Variants in NTRK3 observed in about 807,000 individuals in gnomAD.
The protein encoded by NTRK3 is NT-3 growth factor receptor.
In NTRK3, 24 loss-of-function variants were observed where a neutral mutation model predicts 91.7. The ratio of observed to expected loss-of-function variants is 0.26; its 90% CI spans 0.19 to 0.37. NTRK3 has a LOEUF of 0.37. Ranked by LOEUF, NTRK3 falls within the 10% of genes least tolerant of loss-of-function variation. NTRK3 has a pLI of 1.00. For synonymous variants in NTRK3, 483 were observed against 404.0 expected (o/e 1.20, Z -2.34); for missense variants, 880 against 1,068.9 (o/e 0.82, Z 2.46).
At chr15:87,911,356 A>G (rs1209662227) in intron 17 of NTRK3, among the ~76,000 whole-genome samples, 1 of 152,246 alleles carries the variant, frequency 6.6e-6, no homozygotes, top group Non-Finnish European at 1.5e-5. Context: ...TCTGTTGTAG[A>G]GTTGGCTTTT....
intron 14 of NTRK3, among the ~76,000 whole-genome samples, chr15:88,000,361 A>G (rs1214121123): frequency 6.6e-6 from 1 of 152,220 alleles, no homozygotes. Flanking sequence ...CTCTTCCAAT[A>G]GGGCAGTGTA....
At chr15:88,072,794 G>C in intron 13 of NTRK3, 1 of 233,198 alleles carries the variant, frequency 4.3e-6, no homozygotes, top group Admixed American at 5.6e-5. Flanking sequence ...GAGCAAGAGA[G>C]GGAAAGCGGG....
rs1055426235 is a variant in NTRK3 at position 88,042,459 on chromosome 15, G to C, written c.1397-9414C>G. On this transcript the variant is annotated intron_variant, in intron 13 of 18. Transcript: ENST00000394480. ...CTTCCAGACAGACTCTGCCCTCTGT[G>C]GTCTCCGGGGCACATGGGGTCCTGC... Among the ~76,000 whole-genome samples, 3 of 152,104 alleles carry C rather than the reference G, an allele frequency of 2.0e-5. No individual in the cohort carries two copies. The South Asian group carries it at 6.2e-4, about 32-fold the overall frequency.
At chr15:87,971,880 C>G (rs1312605179) in intron 14 of NTRK3, among the ~76,000 whole-genome samples, 7 of 152,308 alleles carry the variant, frequency 4.6e-5, no homozygotes, top group Middle Eastern at 6.8e-3. Flanking sequence ...GATTTCATGA[C>G]TTTTGACCAA....
exon 3 of NTRK3, chr15:88,256,065 A>G (rs754518518): frequency 6.2e-7 from 1 of 1,613,374 alleles, no homozygotes. Context: ...AGGGCAAGCC[A>G]GCACGGAGCC....
chr15:88,208,563 T>C (rs947715683), intron 3 of NTRK3, among the ~76,000 whole-genome samples: 12 of 152,102 alleles, frequency 7.9e-5, no homozygotes, highest in African/African-American at 2.9e-4. Flanking sequence ...GCTCCCAGGA[T>C]GGCTGAGGCT....
rs543219509 is a variant in NTRK3 at position 88,031,992 on chromosome 15, A to G, written c.1585+865T>C. 2.6e-5 allele frequency among the ~76,000 whole-genome samples: 4 copies of G among 152,222 alleles called. No individual in the cohort carries two copies. The South Asian group carries it at 8.3e-4, about 32-fold the overall frequency. ...AGGTGAGGCCTCAACCTAGCCGATC[A>G]CTTCTGTCCTTCCAGCTCTCAGGCA... On this transcript the variant is annotated intron_variant, in intron 14 of 18. Coordinates refer to ENST00000394480, the Ensembl canonical transcript of NTRK3.
chr15:87,962,570 C>G (rs1438369318), intron 14 of NTRK3, among the ~76,000 whole-genome samples: 1 of 152,186 alleles, frequency 6.6e-6, no homozygotes, highest in African/African-American at 2.4e-5. Context: ...TTTCCTGTTG[C>G]TATTTCCTTG....
At chr15:88,163,850 T>G (rs2044689055) in intron 5 of NTRK3, among the ~76,000 whole-genome samples, 1 of 152,206 alleles carries the variant, frequency 6.6e-6, no homozygotes, top group South Asian at 2.1e-4. Context: ...TTCTCCAAAG[T>G]GTCCCACTTT....
intron 13 of NTRK3, among the ~76,000 whole-genome samples, chr15:88,046,866 T>C (rs1389818763): frequency 6.6e-6 from 1 of 152,184 alleles, no homozygotes; most frequent in African/African-American, 2.4e-5. Flanking sequence ...AGAGGGTCGA[T>C]TGATTTTCAG....
intron 17 of NTRK3, among the ~76,000 whole-genome samples, chr15:87,907,804 A>G (rs575934283): frequency 7.9e-5 from 12 of 152,298 alleles, no homozygotes; most frequent in Admixed American, 5.9e-4. Context: ...TGATCAAGGT[A>G]AGACAGATGG....
At chr15:88,121,074 A>G (rs1178297966) in intron 13 of NTRK3, among the ~76,000 whole-genome samples, 2 of 150,010 alleles carry the variant, frequency 1.3e-5, no homozygotes, top group African/African-American at 5.0e-5. Flanking sequence ...TCAAGAGGAA[A>G]AGAGGCCAAA....
intron 13 of NTRK3, among the ~76,000 whole-genome samples, chr15:88,101,872 G>T (rs539499327): frequency 3.3e-5 from 5 of 152,092 alleles, no homozygotes; most frequent in African/African-American, 4.8e-5. Flanking sequence ...GTTGTGGGGT[G>T]GGGGGAGTGG....
At chr15:88,231,571 A>G (rs1241702967) in intron 3 of NTRK3, among the ~76,000 whole-genome samples, 1 of 152,210 alleles carries the variant, frequency 6.6e-6, no homozygotes. Context: ...GAGAAGAGAA[A>G]TAACCAGGTT....
intron 14 of NTRK3, among the ~76,000 whole-genome samples, chr15:87,948,519 C>A (rs1422008612): frequency 1.3e-5 from 2 of 152,184 alleles, no homozygotes; most frequent in Non-Finnish European, 2.9e-5. Context: ...GAAACCCCAT[C>A]TCTGCTAAAA....
At chr15:88,165,858 T>A (rs912540331) in intron 5 of NTRK3, among the ~76,000 whole-genome samples, 1 of 150,452 alleles carries the variant, frequency 6.6e-6, no homozygotes, top group Non-Finnish European at 1.5e-5. Context: ...TTCACCTGAG[T>A]GTGTGTGTGT....
chr15:88,025,004 T>C (rs2077908562), intron 14 of NTRK3, among the ~76,000 whole-genome samples: 1 of 152,234 alleles, frequency 6.6e-6, no homozygotes. Context: ...CGGTATACTT[T>C]AGAGCAGAAG....
intron 6 of NTRK3, among the ~76,000 whole-genome samples, chr15:88,144,551 TAAGAGAA>T (rs1435002265): frequency 6.6e-6 from 1 of 152,078 alleles, no homozygotes; most frequent in Admixed American, 6.5e-5. Flanking sequence ...TTGAGTCAGG[TAAGAGAA>T]ACAGCCTGGT....
intron 13 of NTRK3, among the ~76,000 whole-genome samples, chr15:88,065,362 A>G (rs1030434145): frequency 3.3e-5 from 5 of 152,194 alleles, no homozygotes; most frequent in African/African-American, 7.2e-5. Flanking sequence ...CTTTAAGACT[A>G]AAGTCAAAAG....
Sources: allele counts gnomAD v4.1 joint callset (sites outside exome capture counted in the v4.1 genomes callset), GRCh38; gene constraint gnomAD v4.1.1; transcripts MANE v1.5; gene names NCBI Gene and HGNC (gene_info 2026-07-23, HGNC 2026-07-21).